Variants in CDH23 observed in about 807,000 individuals in gnomAD.
CDH23 encodes cadherin related 23.
CDH23 carries 189 observed loss-of-function variants against 317.1 expected under a neutral mutation model. The ratio of observed to expected loss-of-function variants is 0.60; its 90% CI spans 0.53 to 0.67. The LOEUF (loss-of-function observed/expected upper bound fraction) is 0.67. Among genes scored for constraint, CDH23 ranks in the 30% least tolerant of loss-of-function variants. The pLI is 0.00. For missense variants in CDH23, 4,401 were observed against 4,592.4 expected, an observed-to-expected ratio of 0.96 and a Z score of 1.20; for synonymous variants, 1,839 against 1,876.8, an observed-to-expected ratio of 0.98 and a Z score of 0.52.
At chr10:71,543,272 A>T (rs1856083579) in intron 6 of CDH23, among the ~76,000 whole-genome samples, 2 of 152,052 alleles carry the variant, frequency 1.3e-5, no homozygotes, top group African/African-American at 2.4e-5. Flanking sequence ...AGAACTTGTC[A>T]CCCTCATCCT....
chr10:71,759,850 T>C (rs557054738), intron 38 of CDH23, among the ~76,000 whole-genome samples: 277 of 12,652 alleles, frequency 0.022, 8 homozygotes, highest in South Asian at 0.044. Context: ...CACACACATA[T>C]ACACACACAC....
intron 22 of CDH23, among the ~76,000 whole-genome samples, chr10:71,701,772 T>G (rs2132730387): frequency 6.6e-6 from 1 of 151,998 alleles, no homozygotes; most frequent in South Asian, 2.1e-4. Context: ...AATCCAGGGT[T>G]TCAAATCCTT....
At chr10:71,407,101 C>T (rs1204413111) in intron 1 of CDH23, among the ~76,000 whole-genome samples, 1 of 152,220 alleles carries the variant, frequency 6.6e-6, no homozygotes, top group East Asian at 1.9e-4. Context: ...ACATAGCTTG[C>T]AGGCGGTGAG....
At chr10:71,519,478 A>C (rs1854533895) in intron 6 of CDH23, among the ~76,000 whole-genome samples, 1 of 152,146 alleles carries the variant, frequency 6.6e-6, no homozygotes, top group South Asian at 2.1e-4. Flanking sequence ...GACTTAGGAA[A>C]CCAAGGGTCT....
At chr10:71,604,555 G>C (rs1564682079) in intron 9 of CDH23, among the ~76,000 whole-genome samples, 2 of 152,170 alleles carry the variant, frequency 1.3e-5, no homozygotes, top group Admixed American at 6.5e-5. Context: ...AATCCAAACT[G>C]CTTCCTCCTC....
At chr10:71,408,349 G>C (rs1305900506) in intron 1 of CDH23, among the ~76,000 whole-genome samples, 1 of 152,076 alleles carries the variant, frequency 6.6e-6, no homozygotes, top group Non-Finnish European at 1.5e-5. Flanking sequence ...AATCAATTCA[G>C]GATGTGTGTG....
intron 29 of CDH23, 30 bp downstream of exon 29, chr10:71,724,135 G>C: frequency 3.2e-6 from 5 of 1,550,840 alleles, no homozygotes; most frequent in Non-Finnish European, 3.5e-6. Context: ...GATGGGGGGC[G>C]GTCCTCCTGC....
intron 11 of CDH23, among the ~76,000 whole-genome samples, chr10:71,640,732 C>T (rs572840191): frequency 3.9e-5 from 6 of 152,036 alleles, no homozygotes; most frequent in East Asian, 1.9e-4. Flanking sequence ...CCAGCCTGGG[C>T]GACCAAGCAA....
At chr10:71,773,820 A>G (rs1211430587) in intron 38 of CDH23, among the ~76,000 whole-genome samples, 1 of 152,150 alleles carries the variant, frequency 6.6e-6, no homozygotes, top group Non-Finnish European at 1.5e-5. Context: ...AGACGTTACC[A>G]TGGCTTGCAT....
intron 25 of CDH23, 22 bp downstream of exon 25, chr10:71,705,152 T>C: frequency 6.3e-7 from 1 of 1,594,746 alleles, no homozygotes; most frequent in South Asian, 1.1e-5. Context: ...CAGGGGCTTC[T>C]GCTGTGTGCT....
intron 14 of CDH23, among the ~76,000 whole-genome samples, chr10:71,654,873 A>G (rs1863350514): frequency 6.6e-6 from 1 of 152,258 alleles, no homozygotes; most frequent in African/African-American, 2.4e-5. Context: ...TCCAAGTCAC[A>G]CTGCATCATT....
At chr10:71,704,504 A>G (rs1865705365) in intron 24 of CDH23, among the ~76,000 whole-genome samples, 1 of 152,108 alleles carries the variant, frequency 6.6e-6, no homozygotes. Context: ...GGGGCAGGGG[A>G]AGTCTGTGAA....
At chr10:71,594,226 T>G (rs1030781242) in intron 9 of CDH23, among the ~76,000 whole-genome samples, 1 of 152,208 alleles carries the variant, frequency 6.6e-6, no homozygotes, top group Non-Finnish European at 1.5e-5. Context: ...TTAGCAGGAC[T>G]GTAGTATAAA....
intron 3 of CDH23, among the ~76,000 whole-genome samples, chr10:71,501,547 C>G (rs1052818128): frequency 6.6e-6 from 1 of 152,204 alleles, no homozygotes; most frequent in Non-Finnish European, 1.5e-5. Context: ...CCTCTGACTT[C>G]CCCCAGGTGG....
At chr10:71,736,295 CTGTT>C (rs200057138) in intron 34 of CDH23, among the ~76,000 whole-genome samples, 447 of 152,360 alleles carry the variant, frequency 2.9e-3, no homozygotes, top group Admixed American at 9.0e-3. Flanking sequence ...GCCCCAAACA[CTGTT>C]TGAGGTGCTA....
chr10:71,609,242 AACATCAGACC>A (rs1415991743), intron 9 of CDH23, among the ~76,000 whole-genome samples: 3 of 145,606 alleles, frequency 2.1e-5, no homozygotes, highest in African/African-American at 7.7e-5. Context: ...GCCCCGCCCC[AACATCAGACC>A]TTCTACCCCC....
chr10:71,577,951 A>T lies in CDH23; in HGVS notation c.791A>T (p.Asp264Val). ...TVRIITAIDQ[D>V]KGRPRGIGYT... is the part of the protein sequence containing the mutation. ...CGCATCATCACCGCCATAGACCAGG[A>T]TAAAGGACGTCCCCGGGGCATTGGC... is the stretch of plus-strand genomic sequence containing the variant. The change falls in exon 9 of 70, where the codon GAT becomes GTT. Residue 264 changes from aspartate (D) to valine (V), a missense_variant. By Grantham distance (152) the Asp-to-Val change is radical (BLOSUM62 -3). This residue lies in a region of CDH23 where 3,068 missense variants were observed against 3,203.3 expected (regional missense o/e 0.96). Transcript: ENST00000224721. 6.2e-7 allele frequency: 1 copy of T among 1,605,856 alleles called. No homozygotes were observed. Among genetic ancestry groups the T allele is most frequent in the Non-Finnish European group, 8.5e-7 (1 of 1,176,328 alleles).
chr10:71,782,078 G>C (rs1198748908), intron 41 of CDH23, among the ~76,000 whole-genome samples: 4 of 152,340 alleles, frequency 2.6e-5, no homozygotes, highest in East Asian at 3.9e-4. Context: ...TGCAGCCTGA[G>C]GCTGGAAGGC....
intron 24 of CDH23, among the ~76,000 whole-genome samples, 193 bp from the exon 25 acceptor site, chr10:71,704,718 G>C (rs1865713980): frequency 6.6e-6 from 1 of 152,200 alleles, no homozygotes; most frequent in Non-Finnish European, 1.5e-5. Flanking sequence ...CCTTTCAGCT[G>C]ACATGCGACC....
Sources: gnomAD v4.1 joint callset for allele counts (sites outside exome capture counted in the v4.1 genomes callset) on GRCh38, gnomAD v4.1.1 for gene constraint, gnomAD v4.1.1 regional missense constraint, MANE v1.5 for transcripts, NCBI Gene and HGNC (gene_info 2026-07-23, HGNC 2026-07-21) for gene names.